LYN: variants seen among roughly 807,000 people sequenced by gnomAD.
LYN encodes the protein LYN proto-oncogene, Src family tyrosine kinase.
In LYN, 12 loss-of-function variants were observed where a neutral mutation model predicts 65.0. That is an observed-to-expected ratio of 0.18 (90% CI 0.12 to 0.30). The LOEUF (loss-of-function observed/expected upper bound fraction) is 0.30, where lower values mean the gene tolerates loss of function less well. Ranked by LOEUF, LYN falls within the 10% of genes least tolerant of loss-of-function variation. The probability of loss-of-function intolerance (pLI) is 1.00; values close to 1 mark genes in which losing one functional copy is unlikely to be tolerated. For missense variants in LYN, 380 were observed against 623.2 expected, an observed-to-expected ratio of 0.61 and a Z score of 4.16; for synonymous variants, 222 against 221.2, an observed-to-expected ratio of 1.00 and a Z score of -0.03.
intron 7 of LYN, among the ~76,000 whole-genome samples, chr8:55,952,892 C>T (rs542866764): frequency 6.6e-6 from 1 of 152,274 alleles, no homozygotes; most frequent in African/African-American, 2.4e-5. Flanking sequence ...GTCTCCAGTG[C>T]CACTTTGCAG....
chr8:55,901,783 C>T (rs960687069), intron 1 of LYN, among the ~76,000 whole-genome samples: 3 of 152,214 alleles, frequency 2.0e-5, no homozygotes, highest in African/African-American at 7.2e-5. Flanking sequence ...AACCGGCTCC[C>T]AGCTGAATAG....
chr8:55,885,120 G>T (rs981638952), intron 1 of LYN, among the ~76,000 whole-genome samples: 7 of 152,202 alleles, frequency 4.6e-5, no homozygotes, highest in Non-Finnish European at 7.3e-5. Context: ...TGAGCTGACC[G>T]TGTATGGGAA....
chr8:55,931,596 G>A (rs537124913), intron 1 of LYN, among the ~76,000 whole-genome samples: 69 of 151,952 alleles, frequency 4.5e-4, no homozygotes, highest in African/African-American at 1.5e-3. Context: ...CTATTCATTT[G>A]TACCTTTTCC....
chr8:55,888,950 A>G (rs145497179), intron 1 of LYN, among the ~76,000 whole-genome samples: 12 of 152,250 alleles, frequency 7.9e-5, no homozygotes, highest in African/African-American at 2.9e-4. Context: ...GGCTTTTTGT[A>G]TTATTTCAAA....
chr8:55,994,219 A>C (rs1010502052), intron 10 of LYN, among the ~76,000 whole-genome samples: 3 of 152,194 alleles, frequency 2.0e-5, no homozygotes, highest in African/African-American at 7.2e-5. Flanking sequence ...ATTTTATATA[A>C]AGGGAGAGGT....
At chr8:55,936,244 C>T (rs911867862) in intron 1 of LYN, among the ~76,000 whole-genome samples, 1 of 152,202 alleles carries the variant, frequency 6.6e-6, no homozygotes, top group African/African-American at 2.4e-5. Flanking sequence ...CCCCAGGCTT[C>T]CTTTCTCTTC....
chr8:55,959,183 T>A (rs1807205468), intron 8 of LYN, among the ~76,000 whole-genome samples: 1 of 152,228 alleles, frequency 6.6e-6, no homozygotes, highest in Non-Finnish European at 1.5e-5. Flanking sequence ...AGTTGTCATT[T>A]TAATAGATGT....
intron 1 of LYN, among the ~76,000 whole-genome samples, chr8:55,928,472 AGGTGACAT>A (rs1806173831): frequency 6.6e-6 from 1 of 152,154 alleles, no homozygotes; most frequent in Non-Finnish European, 1.5e-5. Context: ...TGCAATTCCC[AGGTGACAT>A]ATGATATGGA....
Position 55,953,869 on chromosome 8 carries a change from T to A in LYN, c.675T>A (p.Ala225=), listed in dbSNP as rs2130498558. The change falls in exon 8 of 13, where the codon GCT becomes GCA. Residue 225 remains alanine (A), a synonymous_variant. Transcript: ENST00000519728. ...ADGLCRRLEK[A]CISPKPQKPW... is the part of the protein sequence containing the mutation. ...GCTTGTGCAGAAGATTGGAGAAGGC[T>A]TGTATTAGTCCCAAGCCACAGAAGC... is the stretch of plus-strand genomic sequence containing the variant. The A allele has an allele frequency of 6.2e-7, 1 of 1,614,040 alleles. No homozygotes were observed. The highest frequency in any genetic ancestry group is 2.2e-5 in the East Asian group (1 of 44,870).
chr8:55,979,815 C>G (rs1807867043), intron 10 of LYN, among the ~76,000 whole-genome samples: 1 of 152,178 alleles, frequency 6.6e-6, no homozygotes, highest in South Asian at 2.1e-4. Context: ...AGCCTGACAC[C>G]CTGCCCAAGG....
chr8:55,977,593 G>T (rs541213533), intron 10 of LYN, among the ~76,000 whole-genome samples: 1 of 152,152 alleles, frequency 6.6e-6, no homozygotes, highest in East Asian at 1.9e-4. Context: ...GATGGAAAAG[G>T]AATGGGAGAG....
At chr8:55,922,649 C>G (rs1279057056) in intron 1 of LYN, among the ~76,000 whole-genome samples, 3 of 152,156 alleles carry the variant, frequency 2.0e-5, no homozygotes, top group African/African-American at 7.2e-5. Context: ...CGCCTGTAAT[C>G]CCAGCTATTG....
chr8:56,005,289 G>A (rs868107075), intron 12 of LYN, among the ~76,000 whole-genome samples: 1 of 152,210 alleles, frequency 6.6e-6, no homozygotes, highest in African/African-American at 2.4e-5. Flanking sequence ...CATGCATGGT[G>A]TGGCCCATGT....
At chr8:55,945,022 TCCATGG>T (rs1300473315) in intron 2 of LYN, among the ~76,000 whole-genome samples, 5 of 152,144 alleles carry the variant, frequency 3.3e-5, no homozygotes, top group Non-Finnish European at 5.9e-5. Context: ...CTGGCCTTAT[TCCATGG>T]CCATAACCAA....
chr8:55,957,946 CA>C (rs1202788421), intron 8 of LYN, among the ~76,000 whole-genome samples: 1 of 151,966 alleles, frequency 6.6e-6, no homozygotes, highest in Admixed American at 6.6e-5. Flanking sequence ...GACCCCATCT[CA>C]AAAAATAAAT....
At chr8:55,969,937 A>G (rs967261208) in intron 10 of LYN, 144 bp downstream of exon 10, 17 of 700,388 alleles carry the variant, frequency 2.4e-5, no homozygotes, top group African/African-American at 1.9e-4. Context: ...ACCTTCCACA[A>G]TACAATTCTT....
At chr8:55,880,422 C>G (rs1383299945) in intron 1 of LYN, among the ~76,000 whole-genome samples, 2 of 152,156 alleles carry the variant, frequency 1.3e-5, no homozygotes, top group African/African-American at 4.8e-5. Context: ...GCGTGTCCTT[C>G]CCGGTGAGGG....
chr8:55,947,591 C>CA (rs1806816781), intron 3 of LYN, 27 bp from the exon 4 acceptor site: 1 of 1,507,772 alleles, frequency 6.6e-7, no homozygotes, highest in East Asian at 2.3e-5. Flanking sequence ...TGGATTCTTA[C>CA]AGGTGTTCTC....
At chr8:55,909,189 C>A (rs2130401159) in intron 1 of LYN, among the ~76,000 whole-genome samples, 1 of 151,990 alleles carries the variant, frequency 6.6e-6, no homozygotes, top group South Asian at 2.1e-4. Flanking sequence ...GGTCTAGGAC[C>A]CAGAATCCAG....
Sources: allele counts gnomAD v4.1 joint callset (sites outside exome capture counted in the v4.1 genomes callset), GRCh38; gene constraint gnomAD v4.1.1; transcripts MANE v1.5; gene names NCBI Gene and HGNC (gene_info 2026-07-23, HGNC 2026-07-21).